The following CTNND2 variants were observed in gnomAD, a reference collection of about 807,000 sequenced individuals.
CTNND2 encodes catenin delta-2.
In CTNND2, 22 loss-of-function variants were observed where a neutral mutation model predicts 144.4. The observed-to-expected ratio is 0.15, with a 90% confidence interval of 0.11 to 0.22. CTNND2 has a LOEUF of 0.22. CTNND2 is among the 10% of genes least tolerant of loss of function. The pLI is 1.00. For synonymous variants in CTNND2, 751 were observed against 695.6 expected (o/e 1.08, Z -1.25); for missense variants, 1,353 against 1,618.8 (o/e 0.84, Z 2.82).
At chr5:11,375,659 C>A (rs1182381052) in intron 7 of CTNND2, among the ~76,000 whole-genome samples, 2 of 152,058 alleles carry the variant, frequency 1.3e-5, no homozygotes, top group Non-Finnish European at 2.9e-5. Context: ...ATTGATGAAA[C>A]CAATCTATAG....
At chr5:11,307,562 A>G (rs1229909153) in intron 9 of CTNND2, among the ~76,000 whole-genome samples, 2 of 152,184 alleles carry the variant, frequency 1.3e-5, no homozygotes, top group African/African-American at 4.8e-5. Context: ...AATTTGTATC[A>G]TATTATCTCA....
rs570926186 is a variant in CTNND2, at chr5:11,707,017, C to T, written c.174+25119G>A. 3.3e-5 allele frequency among the ~76,000 whole-genome samples: 5 copies of T among 150,090 alleles called. No individual in the cohort carries two copies. In the South Asian group the frequency reaches 8.4e-4, roughly 25 times the overall value. ...AGGAGAATGGTGTGAACCCAGGAGG[C>T]GGAGCTTGCAGTGAGCCGAGATCAC... On this transcript the variant is annotated intron_variant, in intron 2 of 21. Transcript: ENST00000304623.
chr5:11,465,301 AC>A (rs1336142641), intron 3 of CTNND2, among the ~76,000 whole-genome samples: 3 of 137,962 alleles, frequency 2.2e-5, no homozygotes, highest in Admixed American at 1.4e-4. Context: ...CCAAAACTGA[AC>A]TTTTTTTTTT....
chr5:11,342,422 T>A (rs745457741), intron 9 of CTNND2, among the ~76,000 whole-genome samples: 17 of 152,216 alleles, frequency 1.1e-4, no homozygotes, highest in Non-Finnish European at 2.1e-4. Context: ...GGGCCCAGCA[T>A]CAGCATTAAA....
chr5:11,117,166 G>A (rs1051381639), intron 13 of CTNND2, among the ~76,000 whole-genome samples: 24 of 151,516 alleles, frequency 1.6e-4, no homozygotes, highest in Non-Finnish European at 2.5e-4. Flanking sequence ...TGTGAGCAAC[G>A]TGGTATTCAA....
intron 9 of CTNND2, among the ~76,000 whole-genome samples, chr5:11,279,532 A>G (rs1385375768): frequency 4.6e-5 from 7 of 152,200 alleles, no homozygotes; most frequent in Non-Finnish European, 7.3e-5. Context: ...TCAAGAGAGC[A>G]GGAATAGCCA....
intron 21 of CTNND2, among the ~76,000 whole-genome samples, chr5:10,977,458 T>C (rs1309765100): frequency 7.2e-6 from 1 of 139,234 alleles, no homozygotes; most frequent in Non-Finnish European, 1.6e-5. Flanking sequence ...TAGTTAAGTC[T>C]TTTTTTTTTT....
chr5:11,416,453 C>A (rs1012554236), intron 3 of CTNND2, among the ~76,000 whole-genome samples: 6 of 152,154 alleles, frequency 3.9e-5, no homozygotes, highest in African/African-American at 1.4e-4. Context: ...TGACTGATCA[C>A]AGAGAATGGA....
intron 1 of CTNND2, among the ~76,000 whole-genome samples, chr5:11,868,331 G>A (rs1185457590): frequency 4.6e-5 from 7 of 152,050 alleles, no homozygotes; most frequent in Admixed American, 4.6e-4. Context: ...AAACACTAAT[G>A]ACAGACCCAA....
chr5:11,818,613 C>A (rs1250720526), intron 1 of CTNND2, among the ~76,000 whole-genome samples: 1 of 152,152 alleles, frequency 6.6e-6, no homozygotes, highest in Non-Finnish European at 1.5e-5. Flanking sequence ...AGTGATCCAC[C>A]CACCTTGGCA....
intron 11 of CTNND2, among the ~76,000 whole-genome samples, chr5:11,188,894 C>T (rs1735954595): frequency 6.6e-6 from 1 of 152,194 alleles, no homozygotes; most frequent in African/African-American, 2.4e-5. Flanking sequence ...CTTCAAACTT[C>T]ATTCTAAGTA....
rs563774044 is a variant in CTNND2 at position 11,633,939 on chromosome 5, C to A, written c.175-68883G>T. 4.6e-5 allele frequency among the ~76,000 whole-genome samples: 7 copies of A among 152,168 alleles called. No homozygotes were observed. The South Asian group carries it at 1.2e-3, about 27-fold the overall frequency. ...AGTGGTACAGTCCATCTTCTTATGC[C>A]TGATGTTTTTTCTTGGGTGATTTCC... On this transcript the variant is annotated intron_variant, in intron 2 of 21. Coordinates refer to ENST00000304623, the MANE Select transcript of CTNND2 (RefSeq NM_001332.4).
At chr5:11,118,210 C>A (rs937183844) in intron 12 of CTNND2, among the ~76,000 whole-genome samples, 1 of 152,218 alleles carries the variant, frequency 6.6e-6, no homozygotes, top group African/African-American at 2.4e-5. Flanking sequence ...GAGAGATCTT[C>A]TAGTCCTACA....
intron 3 of CTNND2, among the ~76,000 whole-genome samples, chr5:11,533,543 A>G (rs1773946717): frequency 6.6e-6 from 1 of 152,252 alleles, no homozygotes; most frequent in Non-Finnish European, 1.5e-5. Flanking sequence ...GACGTGGGGT[A>G]GCACAGCCCT....
intron 2 of CTNND2, among the ~76,000 whole-genome samples, chr5:11,578,078 T>C (rs1021985269): frequency 2.0e-5 from 3 of 152,142 alleles, no homozygotes; most frequent in African/African-American, 4.8e-5. Context: ...TTCATTTATG[T>C]TGACATTTTT....
intron 16 of CTNND2, among the ~76,000 whole-genome samples, chr5:11,047,347 C>CGAT (rs2149576438): frequency 6.6e-6 from 1 of 152,252 alleles, no homozygotes; most frequent in East Asian, 1.9e-4. Flanking sequence ...CCACCAACAG[C>CGAT]GATGGCAAAA....
intron 16 of CTNND2, among the ~76,000 whole-genome samples, chr5:11,079,362 A>T (rs1359611639): frequency 6.6e-6 from 1 of 152,196 alleles, no homozygotes. Flanking sequence ...GCCAGATTTC[A>T]TGCTGTCATT....
chr5:11,187,133 C>T (rs1735713525), intron 11 of CTNND2, among the ~76,000 whole-genome samples: 1 of 152,168 alleles, frequency 6.6e-6, no homozygotes, highest in South Asian at 2.1e-4. Context: ...CAAAGTCCTA[C>T]TCTGTGACAA....
Position 11,245,789 on chromosome 5 carries a change from G to A in CTNND2, c.1629-8966C>T, listed in dbSNP as rs10474913. The stretch of plus-strand genomic sequence containing the variant: ...CCCAGGACACGGCCCTTTTAAGCCT[G>A]GAAAGAGACCACCCCATTAGGGCAA... On this transcript the variant is annotated intron_variant, in intron 9 of 21. Coordinates refer to ENST00000304623, the MANE Select transcript of CTNND2 (RefSeq NM_001332.4). Among the ~76,000 whole-genome samples, 635 of 152,256 alleles carry A rather than the reference G, an allele frequency of 4.2e-3. 7 individuals carry two copies. The highest frequency in any genetic ancestry group is 0.013 in the African/African-American group (537 of 41,554).
Sources: allele counts gnomAD v4.1 joint callset (sites outside exome capture counted in the v4.1 genomes callset), GRCh38; gene constraint gnomAD v4.1.1; transcripts MANE v1.5; gene names NCBI Gene and HGNC (gene_info 2026-07-23, HGNC 2026-07-21).